Variants in TRAPPC9 observed in about 807,000 individuals in gnomAD.
TRAPPC9 encodes IKK2 binding protein.
In TRAPPC9, 83 loss-of-function variants were observed where a neutral mutation model predicts 124.0. The observed-to-expected ratio is 0.67, with a 90% confidence interval of 0.56 to 0.80. The LOEUF is 0.80. TRAPPC9 is among the 30% of genes least tolerant of loss of function. TRAPPC9 has a pLI of 0.00. For missense variants in TRAPPC9, 1,302 were observed against 1,508.3 expected, an observed-to-expected ratio of 0.86 and a Z score of 2.27; for synonymous variants, 638 against 617.5, an observed-to-expected ratio of 1.03 and a Z score of -0.49.
At chr8:140,283,304 T>TTTC (rs1320409738) in intron 14 of TRAPPC9, among the ~76,000 whole-genome samples, 1 of 138,314 alleles carries the variant, frequency 7.2e-6, no homozygotes, top group African/African-American at 2.7e-5. Flanking sequence ...CTTTTTTTTT[T>TTTC]TTTTTTTTGA....
In TRAPPC9 at chr8:139,754,741, C is replaced by T. The variant is rs568978663; in HGVS notation, c.3056-22539G>A. ...CGTGCCAGCCTCTGTTTTCCAGAGA[C>T]GCCCCCACCCCGTGTCACAAGCTGA... On this transcript the variant is annotated intron_variant, in intron 21 of 22. Coordinates refer to ENST00000438773, the MANE Select transcript of TRAPPC9 (RefSeq NM_001160372.4). 2.6e-5 allele frequency among the ~76,000 whole-genome samples: 4 copies of T among 152,328 alleles called. No homozygotes were observed. The East Asian group carries it at 5.8e-4, about 22-fold the overall frequency.
At chr8:140,198,184 A>G (rs2062711073) in intron 17 of TRAPPC9, among the ~76,000 whole-genome samples, 1 of 152,226 alleles carries the variant, frequency 6.6e-6, no homozygotes, top group South Asian at 2.1e-4. Flanking sequence ...ATTCCTGGGC[A>G]TAGGCTGAAC....
rs1015779902 is a variant in TRAPPC9 at position 140,451,503 on chromosome 8, C to T, written c.-10-120G>A. The T allele has an allele frequency of 2.0e-5, 17 of 841,182 alleles. No individual in the cohort carries two copies. The Admixed American group carries it at 2.2e-4, about 11-fold the overall frequency. 52.1% of individuals were successfully genotyped at this position (841,182 alleles called of 1,614,324 possible). On this transcript the variant is annotated intron_variant, in intron 1 of 22. Transcript: ENST00000438773. ...AGGCAGGGGAAGCCCCAAGGAAAGC[C>T]GTGGCATCAACAGGTCTTAGGGCTC...
chr8:140,036,143 G>A lies in TRAPPC9; in HGVS notation c.2557-12064C>T, dbSNP rs372326028. Among the ~76,000 whole-genome samples, 25 of 152,240 alleles carry A rather than the reference G, an allele frequency of 1.6e-4. No individual in the cohort carries two copies. The East Asian group carries it at 4.4e-3, about 27-fold the overall frequency. On this transcript the variant is annotated intron_variant, in intron 17 of 22. Transcript: ENST00000438773. ...CCACACAGGCACACCAGGCTCAGAG[G>A]GGACCCACGCCTGTGCTCCCAACGG...
chr8:140,300,695 T>G, intron 10 of TRAPPC9, 81 bp from the exon 11 acceptor site: 1 of 1,557,310 alleles, frequency 6.4e-7, no homozygotes. Flanking sequence ...ACATGATGTA[T>G]CAGAAAAACA....
At chr8:140,183,029 A>G (rs2062242418) in intron 17 of TRAPPC9, among the ~76,000 whole-genome samples, 1 of 134,672 alleles carries the variant, frequency 7.4e-6, no homozygotes, top group African/African-American at 3.5e-5. Flanking sequence ...TTATTGGGGA[A>G]AAAAAAAAAA....
intron 4 of TRAPPC9, among the ~76,000 whole-genome samples, chr8:140,427,582 C>T (rs1178860191): frequency 6.6e-6 from 1 of 152,196 alleles, no homozygotes; most frequent in Non-Finnish European, 1.5e-5. Context: ...TTCAACTTCT[C>T]TATAGAATGC....
At chr8:139,852,727 T>C (rs1307820500) in intron 21 of TRAPPC9, among the ~76,000 whole-genome samples, 1 of 152,234 alleles carries the variant, frequency 6.6e-6, no homozygotes, top group Non-Finnish European at 1.5e-5. Flanking sequence ...TGGCATGGTC[T>C]CTGTTCTATG....
At chr8:140,263,972 C>T (rs2064523365) in intron 15 of TRAPPC9, among the ~76,000 whole-genome samples, 1 of 152,190 alleles carries the variant, frequency 6.6e-6, no homozygotes, top group Middle Eastern at 3.4e-3. Context: ...GAACTGAATC[C>T]TTTCCCCCGC....
intron 17 of TRAPPC9, among the ~76,000 whole-genome samples, chr8:140,155,769 AAC>A: frequency 6.6e-6 from 1 of 152,352 alleles, no homozygotes; most frequent in Non-Finnish European, 1.5e-5. Context: ...TGATTTTTGC[AAC>A]AGTTGCCAAA....
chr8:139,818,800 G>A (rs139055851), intron 21 of TRAPPC9, among the ~76,000 whole-genome samples: 7 of 152,184 alleles, frequency 4.6e-5, no homozygotes, highest in Admixed American at 6.5e-5. Flanking sequence ...TTGCTCCTCC[G>A]TCGCCTGGCA....
chr8:139,870,550 G>C (rs1828837138), intron 21 of TRAPPC9, among the ~76,000 whole-genome samples: 1 of 152,174 alleles, frequency 6.6e-6, no homozygotes, highest in African/African-American at 2.4e-5. Flanking sequence ...AGTAAATAAA[G>C]GAGGATGCAT....
chr8:140,095,657 C>G (rs1844891386), intron 17 of TRAPPC9: 1 of 152,170 alleles, frequency 6.6e-6, no homozygotes, highest in Non-Finnish European at 1.5e-5. Context: ...GAAATACTTG[C>G]AAAATGTATT....
chr8:140,130,042 C>G (rs576324087), intron 17 of TRAPPC9, among the ~76,000 whole-genome samples: 1 of 152,106 alleles, frequency 6.6e-6, no homozygotes, highest in Non-Finnish European at 1.5e-5. Context: ...GAGCATCTCA[C>G]GCCAGAAAGC....
In TRAPPC9 at chr8:140,087,084, T is replaced by C. The variant is rs556144093; in HGVS notation, c.2557-63005A>G. On this transcript the variant is annotated intron_variant, in intron 17 of 22. Transcript: ENST00000438773. This position sits in a 1 kb window ranked among gnomAD's most constrained non-coding sequence, Gnocchi z 4.6. ...TCAGCCTGCCATCCTCCTACTCCTC[T>C]GAAATGACTCTTTCCAATCTCAAAG... is the stretch of plus-strand genomic sequence containing the variant. 6.6e-6 allele frequency among the ~76,000 whole-genome samples: 1 copy of C among 152,294 alleles called. No homozygotes were observed. The highest frequency in any genetic ancestry group is 2.1e-4 in the South Asian group (1 of 4,804).
chr8:140,338,186 A>G (rs936507230), intron 9 of TRAPPC9, among the ~76,000 whole-genome samples: 5 of 152,224 alleles, frequency 3.3e-5, no homozygotes, highest in African/African-American at 1.2e-4. Context: ...AGTGGACACC[A>G]GCAAGACTGG....
chr8:139,950,027 T>C (rs539982151), intron 19 of TRAPPC9, among the ~76,000 whole-genome samples: 1 of 152,360 alleles, frequency 6.6e-6, no homozygotes, highest in African/African-American at 2.4e-5. Context: ...CACCACATCC[T>C]GCAGAACAAA....
chr8:140,406,415 T>A (rs545186243), intron 5 of TRAPPC9, among the ~76,000 whole-genome samples: 2 of 152,192 alleles, frequency 1.3e-5, no homozygotes, highest in South Asian at 2.1e-4. Context: ...AGAGTGAGCA[T>A]CTCCCACAAA....
At chr8:140,426,767 A>T in intron 4 of TRAPPC9, 126 bp from the exon 5 acceptor site, 3 of 880,970 alleles carry the variant, frequency 3.4e-6, no homozygotes, top group Non-Finnish European at 5.5e-6. Context: ...TGATCAGAAA[A>T]GCAATTCTGA....
Sources: allele counts gnomAD v4.1 joint callset (sites outside exome capture counted in the v4.1 genomes callset), GRCh38; gene constraint gnomAD v4.1.1; non-coding constraint Gnocchi (gnomAD v3.1); transcripts MANE v1.5; gene names NCBI Gene and HGNC (gene_info 2026-07-23, HGNC 2026-07-21).